SELENOT: variants seen among roughly 807,000 people sequenced by gnomAD.
The protein encoded by SELENOT is selenoprotein T.
Under a neutral mutation model 24.3 loss-of-function variants are expected in SELENOT, and 9 were observed. That is an observed-to-expected ratio of 0.37 (90% CI 0.22 to 0.65). The LOEUF (loss-of-function observed/expected upper bound fraction) is 0.65, where lower values mean the gene tolerates loss of function less well. Ranked by LOEUF, SELENOT falls within the 30% of genes least tolerant of loss-of-function variation. The pLI is 0.60. For missense variants in SELENOT, 166 were observed against 247.6 expected, an observed-to-expected ratio of 0.67 and a Z score of 2.21; for synonymous variants, 81 against 86.0, an observed-to-expected ratio of 0.94 and a Z score of 0.32.
chr3:150,622,174 C>A (rs1726357344), intron 1 of SELENOT, among the ~76,000 whole-genome samples: 1 of 150,778 alleles, frequency 6.6e-6, no homozygotes, highest in Non-Finnish European at 1.5e-5. Context: ...AGTTTAATGT[C>A]TTAATGGAAG....
At chr3:150,615,997 C>G (rs1013666845) in intron 1 of SELENOT, among the ~76,000 whole-genome samples, 4 of 151,928 alleles carry the variant, frequency 2.6e-5, no homozygotes, top group African/African-American at 7.3e-5. Context: ...GGTACCAAAA[C>G]AGAGATATAG....
At chr3:150,610,933 TGGTC>T (rs919311520) in intron 1 of SELENOT, among the ~76,000 whole-genome samples, 3 of 151,940 alleles carry the variant, frequency 2.0e-5, no homozygotes, top group African/African-American at 7.3e-5. Context: ...ATTGTCTTGT[TGGTC>T]AGTGAGAGAG....
At chr3:150,613,770 A>G (rs1167368087) in intron 1 of SELENOT, among the ~76,000 whole-genome samples, 2 of 147,982 alleles carry the variant, frequency 1.4e-5, no homozygotes, top group Admixed American at 7.0e-5. Flanking sequence ...TAGGTTCCCT[A>G]AGATTCTCAA....
rs541826039 is a variant in SELENOT at position 150,627,208 on chromosome 3, C to G, written c.*29+45C>G. 4 of 1,410,596 alleles carry G rather than the reference C, an allele frequency of 2.8e-6. No individual in the cohort carries two copies. In the Admixed American group the frequency reaches 8.9e-5, roughly 31 times the overall value. The allele number at this position is 1,410,596 out of a possible 1,614,324, so 87.4% of individuals were successfully genotyped here. A position where few individuals can be genotyped will look rare whatever the true frequency, so the allele number is the denominator to read the frequency against. ...GCTAATGTATAGGTTTCTGTTGATT[C>G]TTATGACTCAGCAAGTTAGTAAATA... On this transcript the variant is annotated intron_variant, in intron 5 of 5. Coordinates refer to ENST00000471696, the MANE Select transcript of SELENOT (RefSeq NM_016275.5).
chr3:150,611,794 C>T (rs952032796), intron 1 of SELENOT: 1 of 1,057,942 alleles, frequency 9.5e-7, no homozygotes, highest in Admixed American at 2.5e-5. Context: ...GCCCCTCAGC[C>T]CCGATTTCCC....
chr3:150,614,253 G>T (rs1287477560), intron 1 of SELENOT, among the ~76,000 whole-genome samples: 21 of 152,180 alleles, frequency 1.4e-4, no homozygotes, highest in Admixed American at 1.4e-3. Flanking sequence ...GGTAGGGGAT[G>T]ACTAGTGAGA....
chr3:150,621,929 T>C (rs1726354038), intron 1 of SELENOT, among the ~76,000 whole-genome samples: 1 of 152,046 alleles, frequency 6.6e-6, no homozygotes, highest in African/African-American at 2.4e-5. Flanking sequence ...GTTTTTGAAG[T>C]CTTGTGTCCC....
chr3:150,605,073 T>C (rs910477300), intron 1 of SELENOT, among the ~76,000 whole-genome samples: 1 of 151,390 alleles, frequency 6.6e-6, no homozygotes, highest in Non-Finnish European at 1.5e-5. Context: ...TACAATGTAC[T>C]ATGTTTCTGG....
intron 1 of SELENOT, chr3:150,611,533 C>T (rs972458298): frequency 1.8e-6 from 2 of 1,127,090 alleles, no homozygotes; most frequent in African/African-American, 3.0e-5. Flanking sequence ...ATCATCACTC[C>T]CTTTTCTCTT....
chr3:150,603,730 T>C (rs1212094171), intron 1 of SELENOT: 1 of 407,686 alleles, frequency 2.5e-6, no homozygotes, highest in Non-Finnish European at 4.4e-6. Flanking sequence ...ACAGTGGGAA[T>C]GGGGAAGGAG....
chr3:150,611,577 A>G, intron 1 of SELENOT: 1 of 1,282,326 alleles, frequency 7.8e-7, no homozygotes, highest in Admixed American at 1.7e-5. Context: ...TTAAGTTTTT[A>G]TGATAATCAC....
intron 1 of SELENOT, 148 bp downstream of exon 1, chr3:150,603,647 C>G (rs1725896290): frequency 1.0e-6 from 1 of 966,570 alleles, no homozygotes; most frequent in South Asian, 1.8e-5. Flanking sequence ...CCAGCCTTCT[C>G]GCGGCCCCTT....
intron 1 of SELENOT, chr3:150,611,608 T>G: frequency 1.4e-6 from 2 of 1,471,772 alleles, no homozygotes; most frequent in Non-Finnish European, 1.9e-6. Context: ...ATGCCTGCGC[T>G]CTTATCCAGC....
At position 150,628,816 on chromosome 3, in the gene SELENOT, C is replaced by T. The variant is rs1195214498; in HGVS notation, c.*1187C>T. Reference sequence around the variant, plus strand: ...GTCATGTAACAGCAGTAATAACATACTTCAGCTTCCATATAGGAATAGAAG... The same window carrying T: ...GTCATGTAACAGCAGTAATAACATATTTCAGCTTCCATATAGGAATAGAAG... On this transcript the variant is annotated 3_prime_UTR_variant, in exon 6 of 6. Transcript: ENST00000471696. 1.3e-5 allele frequency: 2 copies of T among 152,152 alleles called. No individual in the cohort carries two copies. The highest frequency in any genetic ancestry group is 2.9e-5 in the Non-Finnish European group (2 of 68,020). The allele number at this position is 152,152 out of a possible 1,614,324, so 9.4% of individuals were successfully genotyped here. A position where few individuals can be genotyped will look rare whatever the true frequency, so the allele number is the denominator to read the frequency against.
intron 1 of SELENOT, chr3:150,611,690 G>GAGATCTA: frequency 1.9e-6 from 3 of 1,600,216 alleles, no homozygotes; most frequent in Admixed American, 1.7e-5. Flanking sequence ...CTGCCCGACC[G>GAGATCTA]CACCGCTCAC....
rs1725924699 is a variant in SELENOT, at chr3:150,604,899, T to C, written c.137+1400T>C. ...TAAAAATACAAAAATTAGCCTGGCG[T>C]GGTGGCGCATGCCTGTAATCCCAAC... On this transcript the variant is annotated intron_variant, in intron 1 of 5. Coordinates refer to ENST00000471696, the MANE Select transcript of SELENOT (RefSeq NM_016275.5). 7.2e-5 allele frequency among the ~76,000 whole-genome samples: 11 copies of C among 152,182 alleles called. No individual in the cohort carries two copies. The South Asian group carries it at 2.1e-3, about 29-fold the overall frequency.
At chr3:150,617,040 C>T (rs1055361634) in intron 1 of SELENOT, among the ~76,000 whole-genome samples, 21 of 152,294 alleles carry the variant, frequency 1.4e-4, no homozygotes, top group African/African-American at 4.3e-4. Flanking sequence ...AAGCAGCATA[C>T]CAATTATTAT....
At position 150,606,250 on chromosome 3, in the gene SELENOT, C is replaced by T. The variant is rs531445005; in HGVS notation, c.137+2751C>T. 1.7e-4 allele frequency among the ~76,000 whole-genome samples: 25 copies of T among 151,054 alleles called. No individual in the cohort carries two copies. The South Asian group carries it at 5.2e-3, about 32-fold the overall frequency. On this transcript the variant is annotated intron_variant, in intron 1 of 5. Coordinates refer to ENST00000471696, the MANE Select transcript of SELENOT (RefSeq NM_016275.5). The stretch of plus-strand genomic sequence containing the variant: ...CTTGACTTCCTGAGTTCCGATAATC[C>T]TCCCACCACAGCCTCCCAAGTAGCT...
chr3:150,606,627 T>G (rs1163986053), intron 1 of SELENOT, among the ~76,000 whole-genome samples: 1 of 152,184 alleles, frequency 6.6e-6, no homozygotes, highest in East Asian at 1.9e-4. Flanking sequence ...CAGTGTTGCT[T>G]TGTTGCCCAA....
Sources: gnomAD v4.1 joint callset for allele counts (sites outside exome capture counted in the v4.1 genomes callset) on GRCh38, gnomAD v4.1.1 for gene constraint, MANE v1.5 for transcripts, NCBI Gene and HGNC (gene_info 2026-07-23, HGNC 2026-07-21) for gene names.